Variants in ABLIM2 observed in about 807,000 individuals in gnomAD.
ABLIM2 encodes actin binding LIM protein family member 2, also known as actin-binding LIM protein 2.
Under a neutral mutation model 97.7 loss-of-function variants are expected in ABLIM2, and 53 were observed. That is an observed-to-expected ratio of 0.54 (90% confidence interval 0.44 to 0.68). The LOEUF (loss-of-function observed/expected upper bound fraction) is 0.68, where lower values mean the gene tolerates loss of function less well. Among genes scored for constraint, ABLIM2 ranks in the 30% least tolerant of loss-of-function variants. The pLI, the probability that ABLIM2 is intolerant of heterozygous loss-of-function variation, is 0.00. For missense variants in ABLIM2, 835 were observed against 867.2 expected (o/e 0.96, Z 0.47); for synonymous variants, 361 against 345.8 (o/e 1.04, Z -0.49).
intron 1 of ABLIM2, among the ~76,000 whole-genome samples, chr4:8,121,029 G>T (rs991872578): frequency 2.6e-5 from 4 of 152,338 alleles, no homozygotes; most frequent in Non-Finnish European, 4.4e-5. Context: ...GTCCAATCAT[G>T]GTAAGTGGGG....
chr4:8,007,069 C>G, intron 16 of ABLIM2: 1 of 985,486 alleles, frequency 1.0e-6, no homozygotes, highest in Non-Finnish European at 1.2e-6. Flanking sequence ...CATTTCCAAG[C>G]TTCTGTGTCT....
chr4:8,146,923 A>T (rs981930552), intron 1 of ABLIM2, among the ~76,000 whole-genome samples: 1 of 152,222 alleles, frequency 6.6e-6, no homozygotes, highest in Non-Finnish European at 1.5e-5. Context: ...GTCCTCAGTA[A>T]TTGAACCCTG....
intron 14 of ABLIM2, among the ~76,000 whole-genome samples, chr4:8,016,462 C>G (rs1769288658): frequency 6.6e-6 from 1 of 152,146 alleles, no homozygotes; most frequent in South Asian, 2.1e-4. Flanking sequence ...CCTCAAAGCC[C>G]CACGGGTTAT....
chr4:8,053,183 A>G (rs1309203289), intron 8 of ABLIM2, among the ~76,000 whole-genome samples: 1 of 152,254 alleles, frequency 6.6e-6, no homozygotes, highest in Non-Finnish European at 1.5e-5. Flanking sequence ...AGATAAGTGC[A>G]GATCTGATTG....
At chr4:8,036,835 G>A (rs561588918) in intron 9 of ABLIM2, among the ~76,000 whole-genome samples, 10 of 152,134 alleles carry the variant, frequency 6.6e-5, no homozygotes, top group Admixed American at 1.3e-4. Flanking sequence ...ACACAGACAC[G>A]CACACATGCA....
At chr4:8,139,733 C>A (rs764610668) in intron 1 of ABLIM2, among the ~76,000 whole-genome samples, 12 of 152,086 alleles carry the variant, frequency 7.9e-5, no homozygotes, top group South Asian at 2.1e-4. Flanking sequence ...CCATTTGAAC[C>A]GGCAATCCCA....
At chr4:7,982,876 G>GT (rs1157637877) in intron 20 of ABLIM2, among the ~76,000 whole-genome samples, 1 of 152,072 alleles carries the variant, frequency 6.6e-6, no homozygotes, top group Non-Finnish European at 1.5e-5. Flanking sequence ...CCTAAGTTTT[G>GT]TATTTTTAGT....
At position 8,125,303 on chromosome 4, in the gene ABLIM2, G is replaced by A. The variant is rs937056415; in HGVS notation, c.11-18666C>T. The stretch of plus-strand genomic sequence containing the variant: ...CCATCGCCTGATCCACCGTCATGAA[G>A]ATGCGCTTCTGAGTGTTCTTCTAAG... On this transcript the variant is annotated intron_variant, in intron 1 of 20. Transcript: ENST00000447017. This position sits in a 1 kb window ranked among gnomAD's most constrained non-coding sequence, Gnocchi z 6.2. 6.6e-6 allele frequency among the ~76,000 whole-genome samples: 1 copy of A among 152,214 alleles called. No homozygotes were observed. The highest frequency in any genetic ancestry group is 2.4e-5 in the African/African-American group (1 of 41,458).
intron 17 of ABLIM2, among the ~76,000 whole-genome samples, chr4:7,985,703 G>A (rs1743336495): frequency 6.6e-6 from 1 of 152,168 alleles, no homozygotes. Flanking sequence ...CTGTGTCTCT[G>A]ACAATGACTA....
At chr4:8,031,711 G>A (rs537073340) in intron 10 of ABLIM2, among the ~76,000 whole-genome samples, 50 of 150,326 alleles carry the variant, frequency 3.3e-4, no homozygotes, top group South Asian at 3.0e-3. Context: ...CGTGGTGGGG[G>A]ATGAATAAAT....
At chr4:8,121,282 C>T (rs1413960308) in intron 1 of ABLIM2, among the ~76,000 whole-genome samples, 2 of 152,230 alleles carry the variant, frequency 1.3e-5, no homozygotes, top group East Asian at 1.9e-4. Context: ...CTGGGAGAGA[C>T]GGTACTGGGC....
chr4:8,028,109 G>T (rs1040876915), intron 11 of ABLIM2, among the ~76,000 whole-genome samples: 3 of 152,240 alleles, frequency 2.0e-5, no homozygotes, highest in Non-Finnish European at 4.4e-5. Context: ...GTTCCCCAGG[G>T]GGGGTTAGGC....
intron 1 of ABLIM2, among the ~76,000 whole-genome samples, chr4:8,119,385 T>A (rs142155220): frequency 0.046 from 6,714 of 145,044 alleles, 180 homozygotes; most frequent in Middle Eastern, 0.093. Context: ...TGGAGTGCAG[T>A]GGCATGATCT....
chr4:7,972,015 C>G (rs982852798), intron 20 of ABLIM2, among the ~76,000 whole-genome samples: 3 of 152,158 alleles, frequency 2.0e-5, no homozygotes, highest in African/African-American at 7.2e-5. Flanking sequence ...GCCCTGCATA[C>G]AGGGGTGAGT....
intron 2 of ABLIM2, among the ~76,000 whole-genome samples, chr4:8,097,887 G>C (rs572690284): frequency 6.6e-6 from 1 of 152,052 alleles, no homozygotes; most frequent in Non-Finnish European, 1.5e-5. Context: ...CAGGAGGAGA[G>C]AGCCTGTGGA....
chr4:7,983,183 G>T, intron 20 of ABLIM2, 81 bp downstream of exon 20: 2 of 1,459,514 alleles, frequency 1.4e-6, no homozygotes, highest in South Asian at 1.2e-5. Flanking sequence ...CTTGGGCAAC[G>T]ACCTTGACAC....
chr4:8,108,038 C>T (rs937597839), intron 1 of ABLIM2, among the ~76,000 whole-genome samples: 1 of 152,222 alleles, frequency 6.6e-6, no homozygotes, highest in African/African-American at 2.4e-5. Flanking sequence ...CCTTCTCACA[C>T]CTTGATTTTA....
At chr4:7,985,544 T>G (rs1357750083) in intron 17 of ABLIM2, among the ~76,000 whole-genome samples, 1 of 152,128 alleles carries the variant, frequency 6.6e-6, no homozygotes, top group Non-Finnish European at 1.5e-5. Context: ...CCACCCCAAA[T>G]GCTCCAAAAT....
rs934727456 is a variant in ABLIM2 at position 8,132,059 on chromosome 4, G to A, written c.11-25422C>T. 1.3e-5 allele frequency among the ~76,000 whole-genome samples: 2 copies of A among 151,640 alleles called. No individual in the cohort carries two copies. The highest frequency in any genetic ancestry group is 4.9e-5 in the African/African-American group (2 of 40,964). ...CCCCGAGCACAGCTGTGCCGGCCGA[G>A]CTCAGGCCTCGGGGTGCCTGGACAT... On this transcript the variant is annotated intron_variant, in intron 1 of 20. Transcript: ENST00000447017. The surrounding 1 kb of genome is among the most constrained non-coding windows in gnomAD (Gnocchi z 8.0).
Sources: gnomAD v4.1 joint callset for allele counts (sites outside exome capture counted in the v4.1 genomes callset) on GRCh38, gnomAD v4.1.1 for gene constraint, Gnocchi (gnomAD v3.1) non-coding constraint, MANE v1.5 for transcripts, NCBI Gene and HGNC (gene_info 2026-07-23, HGNC 2026-07-21) for gene names.